The following NTM variants were observed in gnomAD, a reference collection of about 807,000 sequenced individuals.
NTM encodes neurotrimin, also known as IgLON family member 2.
In NTM, 13 loss-of-function variants were observed where a neutral mutation model predicts 42.1. The ratio of observed to expected loss-of-function variants is 0.31; its 90% CI spans 0.20 to 0.49. NTM has a LOEUF of 0.49. Ranked by LOEUF, NTM falls within the 20% of genes least tolerant of loss-of-function variation. The pLI is 0.99. For synonymous variants in NTM, 187 were observed against 179.2 expected (o/e 1.04, Z -0.35); for missense variants, 373 against 452.8 (o/e 0.82, Z 1.60).
chr11:131,416,442 G>A (rs941879089), intron 1 of NTM, among the ~76,000 whole-genome samples: 1 of 152,188 alleles, frequency 6.6e-6, no homozygotes, highest in Non-Finnish European at 1.5e-5. Flanking sequence ...ACACACGGTT[G>A]CCTCTCCCTG....
At chr11:131,983,406 C>T (rs1267874095) in intron 2 of NTM, among the ~76,000 whole-genome samples, 10 of 133,948 alleles carry the variant, frequency 7.5e-5, no homozygotes, top group South Asian at 2.3e-4. Context: ...GATGGAGTCT[C>T]GCTCTGTCTC....
At chr11:132,130,834 A>G (rs559820267) in intron 2 of NTM, among the ~76,000 whole-genome samples, 240 of 152,290 alleles carry the variant, frequency 1.6e-3, no homozygotes, top group Middle Eastern at 3.4e-3. Flanking sequence ...TGAGAACTGC[A>G]CGGCTGAGGC....
intron 1 of NTM, among the ~76,000 whole-genome samples, chr11:131,781,056 A>G (rs2088008395): frequency 6.6e-6 from 1 of 152,166 alleles, no homozygotes; most frequent in Non-Finnish European, 1.5e-5. Context: ...TAATTTTCAT[A>G]AAGGCAAAAA....
chr11:131,734,083 C>A (rs1014413492), intron 1 of NTM, among the ~76,000 whole-genome samples: 2 of 152,162 alleles, frequency 1.3e-5, no homozygotes, highest in Non-Finnish European at 2.9e-5. Context: ...ACAGATGTAT[C>A]TGACAACAAA....
intron 2 of NTM, among the ~76,000 whole-genome samples, chr11:132,140,425 C>T (rs2068854701): frequency 1.3e-5 from 2 of 152,300 alleles, no homozygotes; most frequent in South Asian, 4.1e-4. Flanking sequence ...GATTCCATGG[C>T]CTACCTCCGT....
chr11:132,134,978 T>C (rs1478620715), intron 2 of NTM, among the ~76,000 whole-genome samples: 1 of 151,980 alleles, frequency 6.6e-6, no homozygotes, highest in African/African-American at 2.4e-5. Flanking sequence ...GTTGTATTTT[T>C]ATTATTTTAT....
At chr11:132,144,935 A>C (rs1191621575) in intron 2 of NTM, among the ~76,000 whole-genome samples, 1 of 152,226 alleles carries the variant, frequency 6.6e-6, no homozygotes. Flanking sequence ...AGACATTTAC[A>C]TAAGCAAAGC....
chr11:131,661,370 T>C (rs113967294), intron 1 of NTM: 11 of 161,052 alleles, frequency 6.8e-5, no homozygotes, highest in Non-Finnish European at 1.4e-4. Context: ...GATTAAAACA[T>C]TCCAGGAAGG....
chr11:131,785,303 G>A (rs771254442), intron 1 of NTM, among the ~76,000 whole-genome samples: 4 of 152,172 alleles, frequency 2.6e-5, no homozygotes, highest in African/African-American at 4.8e-5. Flanking sequence ...TGAGGCCAGC[G>A]TCGGATCAGA....
At chr11:131,802,877 G>T (rs1024462097) in intron 1 of NTM, among the ~76,000 whole-genome samples, 1 of 152,226 alleles carries the variant, frequency 6.6e-6, no homozygotes, top group Middle Eastern at 3.2e-3. Context: ...CTGTGCAACA[G>T]CCTTTGCTGC....
intron 4 of NTM, among the ~76,000 whole-genome samples, chr11:132,277,100 A>G (rs973261852): frequency 1.3e-5 from 2 of 152,150 alleles, no homozygotes; most frequent in Non-Finnish European, 2.9e-5. Context: ...TTGGTGAATA[A>G]AGATAATTTT....
intron 4 of NTM, among the ~76,000 whole-genome samples, chr11:132,303,733 A>T (rs1446191440): frequency 1.1e-5 from 1 of 94,806 alleles, no homozygotes; most frequent in Non-Finnish European, 2.7e-5. Context: ...AAAAAAAAAC[A>T]ATCTGTGAAG....
chr11:131,685,177 A>G (rs2073670406), intron 1 of NTM, among the ~76,000 whole-genome samples: 1 of 152,234 alleles, frequency 6.6e-6, no homozygotes, highest in Non-Finnish European at 1.5e-5. Flanking sequence ...TCCTTGCAGA[A>G]GCCCAGCAGT....
chr11:131,841,858 G>A (rs569275941), intron 1 of NTM, among the ~76,000 whole-genome samples: 34 of 152,186 alleles, frequency 2.2e-4, no homozygotes, highest in Non-Finnish European at 2.4e-4. Flanking sequence ...CTGAAAGAGC[G>A]TGTCCCACTC....
At chr11:131,874,030 A>AATATATATAT (rs59083400) in intron 1 of NTM, among the ~76,000 whole-genome samples, 24 of 76,604 alleles carry the variant, frequency 3.1e-4, no homozygotes, top group Admixed American at 6.2e-4. Flanking sequence ...AATATAATAT[A>AATATATATAT]ATATATATAT....
rs192693013 is a variant in NTM at position 131,939,738 on chromosome 11, A to G, written c.167+28090A>G. On this transcript the variant is annotated intron_variant, in intron 2 of 8. Coordinates refer to ENST00000683400, the MANE Select transcript of NTM (RefSeq NM_001352005.2). ...GTTACATATTTTTATGAATTTTCCA[A>G]CAGGACAGTTGAGAGCATGAGGAAT... 1.8e-3 allele frequency among the ~76,000 whole-genome samples: 270 copies of G among 152,328 alleles called. 2 individuals carry two copies. Among genetic ancestry groups the G allele is most frequent in the African/African-American group, 6.2e-3 (257 of 41,584 alleles).
Position 131,975,521 on chromosome 11 carries a change from G to A in NTM, c.167+63873G>A, listed in dbSNP as rs989064878. ...AAAGCCTAGTCTTCTAGATTTATAAGCCTTAAAATGTTAGGGGAGGGGGGA... is the reference window on the plus strand; with the variant it reads ...AAAGCCTAGTCTTCTAGATTTATAAACCTTAAAATGTTAGGGGAGGGGGGA... On this transcript the variant is annotated intron_variant, in intron 2 of 8. Transcript: ENST00000683400. Among the ~76,000 whole-genome samples the A allele has an allele frequency of 5.3e-5, 8 of 151,452 alleles. No individual in the cohort carries two copies. In the East Asian group the frequency reaches 6.0e-4, roughly 11 times the overall value.
chr11:131,506,181 C>T (rs939725424), intron 1 of NTM, among the ~76,000 whole-genome samples: 3 of 152,226 alleles, frequency 2.0e-5, no homozygotes, highest in Non-Finnish European at 4.4e-5. Context: ...GTCAATTACT[C>T]CTTGTGATTA....
At chr11:131,505,183 ATGTCTCTG>A (rs552089764) in intron 1 of NTM, among the ~76,000 whole-genome samples, 5 of 152,112 alleles carry the variant, frequency 3.3e-5, no homozygotes, top group Non-Finnish European at 7.3e-5. Context: ...GGATTTGATG[ATGTCTCTG>A]TGAAGCTCAG....
Sources: gnomAD v4.1 joint callset for allele counts (sites outside exome capture counted in the v4.1 genomes callset) on GRCh38, gnomAD v4.1.1 for gene constraint, MANE v1.5 for transcripts, NCBI Gene and HGNC (gene_info 2026-07-23, HGNC 2026-07-21) for gene names.